The following IMMP2L variants were observed in gnomAD, a reference collection of about 807,000 sequenced individuals.
IMMP2L encodes inner mitochondrial membrane peptidase subunit 2.
IMMP2L carries 18 observed loss-of-function variants against 19.3 expected under a neutral mutation model. That is an observed-to-expected ratio of 0.93 (90% confidence interval 0.64 to 1.38). The LOEUF is 1.38. Among genes scored for constraint, IMMP2L ranks in the 40% most tolerant of loss-of-function variants. The probability of loss-of-function intolerance (pLI) is 0.00; values close to 1 mark genes in which losing one functional copy is unlikely to be tolerated. For synonymous variants in IMMP2L, 76 were observed against 73.0 expected (o/e 1.04, Z -0.21); for missense variants, 233 against 218.2 (o/e 1.07, Z -0.43).
intron 5 of IMMP2L, among the ~76,000 whole-genome samples, chr7:110,717,456 C>G (rs1052539257): frequency 1.3e-5 from 2 of 152,062 alleles, no homozygotes; most frequent in African/African-American, 4.8e-5. Context: ...CAGAGCAAGA[C>G]TACGTCTCAA....
intron 4 of IMMP2L, among the ~76,000 whole-genome samples, chr7:110,951,793 C>A (rs898069812): frequency 1.3e-5 from 2 of 152,026 alleles, no homozygotes; most frequent in African/African-American, 4.8e-5. Context: ...GCTAAAAAAT[C>A]TTTTATACAC....
chr7:110,841,279 T>C (rs1419187256), intron 5 of IMMP2L, among the ~76,000 whole-genome samples: 1 of 152,060 alleles, frequency 6.6e-6, no homozygotes, highest in Non-Finnish European at 1.5e-5. Context: ...TCTCACATAG[T>C]ATCCTTTTAA....
rs112064822 is a variant in IMMP2L at position 111,009,045 on chromosome 7, T to C, written c.240-45480A>G. Among the ~76,000 whole-genome samples the C allele has an allele frequency of 1.3e-3, 205 of 152,214 alleles. 1 individual carries two copies. The highest frequency in any genetic ancestry group is 4.7e-3 in the African/African-American group (195 of 41,554). On this transcript the variant is annotated intron_variant, in intron 3 of 5. Transcript: ENST00000405709. ...ATGGTCCACAGGTCACAGTCAGTAT[T>C]TGCTTCATATCATTTTACAATTTTG...
chr7:111,060,461 C>T (rs117054774), intron 3 of IMMP2L, among the ~76,000 whole-genome samples: 2,293 of 152,278 alleles, frequency 0.015, 26 homozygotes, highest in Non-Finnish European at 0.023. Context: ...ACATAACCTT[C>T]GGCTTTAAAT....
intron 3 of IMMP2L, among the ~76,000 whole-genome samples, chr7:111,311,310 A>G (rs182983157): frequency 2.6e-5 from 4 of 152,026 alleles, no homozygotes; most frequent in Admixed American, 2.0e-4. Context: ...GAAAGAAAGA[A>G]GGAAGGAAAG....
chr7:111,491,416 T>C (rs1843091172), intron 2 of IMMP2L, among the ~76,000 whole-genome samples: 1 of 152,104 alleles, frequency 6.6e-6, no homozygotes. Context: ...GGTAAGATCA[T>C]TCATTTAAAG....
At chr7:111,403,972 AC>A (rs892738301) in intron 3 of IMMP2L, among the ~76,000 whole-genome samples, 11 of 151,466 alleles carry the variant, frequency 7.3e-5, no homozygotes, top group African/African-American at 2.7e-4. Flanking sequence ...ACTTGGAACA[AC>A]CCCCCCACAA....
chr7:111,100,301 A>G (rs1267467317), intron 3 of IMMP2L, among the ~76,000 whole-genome samples: 2 of 151,244 alleles, frequency 1.3e-5, no homozygotes, highest in Non-Finnish European at 3.0e-5. Flanking sequence ...ATTTATCCTT[A>G]GAGAAGCATT....
intron 3 of IMMP2L, among the ~76,000 whole-genome samples, chr7:111,206,747 T>G (rs214456): frequency 0.42 from 64,453 of 152,004 alleles, 14,681 homozygotes; most frequent in Non-Finnish European, 0.52. Flanking sequence ...TCTTATTCAT[T>G]CTTTCTTAAG....
chr7:111,427,136 G>T (rs1836160243), intron 3 of IMMP2L, among the ~76,000 whole-genome samples: 1 of 145,108 alleles, frequency 6.9e-6, no homozygotes, highest in Admixed American at 6.9e-5. Flanking sequence ...GAAGACCTTA[G>T]AATTCTTTTA....
At chr7:110,740,597 C>T (rs1796930101) in intron 5 of IMMP2L, among the ~76,000 whole-genome samples, 1 of 152,062 alleles carries the variant, frequency 6.6e-6, no homozygotes, top group South Asian at 2.1e-4. Context: ...CAAAAAAAGT[C>T]TGGGACCAGA....
intron 1 of IMMP2L, among the ~76,000 whole-genome samples, chr7:111,521,812 A>C (rs146340322): frequency 6.6e-6 from 1 of 152,240 alleles, no homozygotes; most frequent in Non-Finnish European, 1.5e-5. Context: ...CTACAGTAAT[A>C]AAAGTTTCAG....
At chr7:111,292,368 A>C (rs1034038221) in intron 3 of IMMP2L, among the ~76,000 whole-genome samples, 2 of 152,094 alleles carry the variant, frequency 1.3e-5, no homozygotes, top group Non-Finnish European at 2.9e-5. Context: ...GCAGCCTCTT[A>C]ATGTTATCCT....
chr7:111,225,824 T>C (rs1252956638), intron 3 of IMMP2L, among the ~76,000 whole-genome samples: 5 of 152,104 alleles, frequency 3.3e-5, no homozygotes, highest in Non-Finnish European at 7.4e-5. Flanking sequence ...GCATGTTGTT[T>C]CAGTGTGATT....
intron 5 of IMMP2L, among the ~76,000 whole-genome samples, chr7:110,848,599 T>A (rs2131508679): frequency 6.6e-6 from 1 of 152,280 alleles, no homozygotes; most frequent in South Asian, 2.1e-4. Context: ...CACAAAAATC[T>A]GCACACGAAT....
chr7:111,229,514 C>T (rs1270756484), intron 3 of IMMP2L, among the ~76,000 whole-genome samples: 2 of 151,976 alleles, frequency 1.3e-5, no homozygotes, highest in Non-Finnish European at 2.9e-5. Context: ...AAAGTGGTTC[C>T]AAAGGTTGCC....
chr7:111,466,418 CT>C (rs1840669821), intron 3 of IMMP2L, among the ~76,000 whole-genome samples: 1 of 151,898 alleles, frequency 6.6e-6, no homozygotes, highest in Non-Finnish European at 1.5e-5. Flanking sequence ...AAAAGAAATC[CT>C]CATTGATCTT....
chr7:111,548,320 T>C (rs549212990), intron 1 of IMMP2L, among the ~76,000 whole-genome samples: 1 of 152,182 alleles, frequency 6.6e-6, no homozygotes, highest in South Asian at 2.1e-4. Flanking sequence ...ATTCTCAATA[T>C]CATAAATCAG....
At chr7:110,682,643 G>A (rs141240671) in intron 5 of IMMP2L, among the ~76,000 whole-genome samples, 112 of 152,232 alleles carry the variant, frequency 7.4e-4, no homozygotes, top group Middle Eastern at 3.4e-3. Flanking sequence ...ACAGTACAAG[G>A]AGCAGATATG....
Sources: gnomAD v4.1 joint callset for allele counts (sites outside exome capture counted in the v4.1 genomes callset) on GRCh38, gnomAD v4.1.1 for gene constraint, MANE v1.5 for transcripts, NCBI Gene and HGNC (gene_info 2026-07-23, HGNC 2026-07-21) for gene names.